The following SCAPER variants were observed in gnomAD, a reference collection of about 807,000 sequenced individuals.
SCAPER encodes the protein S phase cyclin A-associated protein in the endoplasmic reticulum.
In SCAPER, 98 loss-of-function variants were observed where a neutral mutation model predicts 182.2. The ratio of observed to expected loss-of-function variants is 0.54; its 90% CI spans 0.46 to 0.64. SCAPER has a LOEUF of 0.64. Ranked by LOEUF, SCAPER falls within the 30% of genes least tolerant of loss-of-function variation. The probability of loss-of-function intolerance (pLI) is 0.00; values close to 1 mark genes in which losing one functional copy is unlikely to be tolerated. For synonymous variants in SCAPER, 605 were observed against 564.6 expected (o/e 1.07, Z -1.01); for missense variants, 1,432 against 1,690.0 (o/e 0.85, Z 2.68).
chr15:76,448,741 C>G (rs1414473278), intron 25 of SCAPER, among the ~76,000 whole-genome samples: 1 of 152,090 alleles, frequency 6.6e-6, no homozygotes, highest in African/African-American at 2.4e-5. Context: ...GGGAGACTTT[C>G]AACTTAGAAT....
chr15:76,442,466 T>C (rs149811753), intron 25 of SCAPER, among the ~76,000 whole-genome samples: 1 of 152,386 alleles, frequency 6.6e-6, no homozygotes, highest in East Asian at 1.9e-4. Flanking sequence ...TTGGGAGCAC[T>C]GTCCTGGGAG....
intron 25 of SCAPER, among the ~76,000 whole-genome samples, chr15:76,440,844 G>A (rs1444974802): frequency 6.7e-6 from 1 of 148,424 alleles, no homozygotes; most frequent in Non-Finnish European, 1.5e-5. Flanking sequence ...AAATATAAAA[G>A]GAAATCACAT....
At chr15:76,407,918 C>T (rs2044979460) in intron 26 of SCAPER, among the ~76,000 whole-genome samples, 1 of 152,008 alleles carries the variant, frequency 6.6e-6, no homozygotes, top group Admixed American at 6.6e-5. Flanking sequence ...TAAGCAAATC[C>T]AAGGCATATT....
At position 76,680,987 on chromosome 15, in the gene SCAPER, C is replaced by T. The variant is rs1320002161; in HGVS notation, c.2509-15198G>A. ...AATTAAAATCAGAGATTTCAATATC[C>T]TCTCTCAAAAACTGGTGAGACAAGA... is the stretch of plus-strand genomic sequence containing the variant. On this transcript the variant is annotated intron_variant, in intron 20 of 31. Coordinates refer to ENST00000563290, the MANE Select transcript of SCAPER (RefSeq NM_020843.4). 6.6e-5 allele frequency among the ~76,000 whole-genome samples: 10 copies of T among 152,238 alleles called. No homozygotes were observed. The East Asian group carries it at 1.9e-3, about 29-fold the overall frequency.
chr15:76,711,105 AAC>A (rs767751358), intron 17 of SCAPER, among the ~76,000 whole-genome samples: 30 of 152,206 alleles, frequency 2.0e-4, no homozygotes, highest in Non-Finnish European at 1.5e-5. Flanking sequence ...TCTTGAAGTA[AAC>A]ACAGAAGAAA....
chr15:76,717,142 GAAA>G lies in SCAPER; in HGVS notation c.2166-11161_2166-11159del, dbSNP rs34439573. 1.7e-3 allele frequency among the ~76,000 whole-genome samples: 219 copies of G among 126,268 alleles called. 1 individual carries two copies. The highest frequency in any genetic ancestry group is 0.011 in the East Asian group (47 of 4,370). 82.8% of individuals were successfully genotyped at this position (126,268 alleles called of 152,430 possible). On this transcript the variant is annotated intron_variant, in intron 17 of 31. Transcript: ENST00000563290. ...ATGACATATTCAAAATGATGAAAGG[GAAA>G]AAAAAAAAAAAAAAACCTGCCGGCT...
At chr15:76,413,017 T>C (rs951116644) in intron 26 of SCAPER, among the ~76,000 whole-genome samples, 1 of 152,182 alleles carries the variant, frequency 6.6e-6, no homozygotes, top group Non-Finnish European at 1.5e-5. Flanking sequence ...TAAATCTTGA[T>C]TTCTATTTGT....
intron 26 of SCAPER, among the ~76,000 whole-genome samples, chr15:76,424,278 C>G (rs925855209): frequency 2.0e-5 from 3 of 152,118 alleles, no homozygotes; most frequent in Non-Finnish European, 4.4e-5. Context: ...TCTCTAAGGA[C>G]TTGCTTTATG....
chr15:76,378,513 T>C (rs1377528606), intron 28 of SCAPER, among the ~76,000 whole-genome samples: 1 of 152,246 alleles, frequency 6.6e-6, no homozygotes, highest in Non-Finnish European at 1.5e-5. Flanking sequence ...TCCGTTGCTA[T>C]ACAGTACAAA....
intron 23 of SCAPER, among the ~76,000 whole-genome samples, chr15:76,546,493 CTTTA>C (rs1329222264): frequency 2.0e-5 from 3 of 152,054 alleles, no homozygotes; most frequent in Non-Finnish European, 4.4e-5. Flanking sequence ...TCTGACCATG[CTTTA>C]TTGTTTTTTA....
At position 76,581,669 on chromosome 15, in the gene SCAPER, C is replaced by T. The variant is rs1049724698; in HGVS notation, c.2712-7385G>A. On this transcript the variant is annotated intron_variant, in intron 22 of 31. Transcript: ENST00000563290. ...TGGTGTGATCTCAGCTCACTGCAAC[C>T]TCTGCCTCCCAAGTTCAAGCCATTC... is the stretch of plus-strand genomic sequence containing the variant. Among the ~76,000 whole-genome samples the T allele has an allele frequency of 2.6e-5, 4 of 152,168 alleles. 1 individual carries two copies. The South Asian group carries it at 8.3e-4, about 32-fold the overall frequency.
intron 23 of SCAPER, among the ~76,000 whole-genome samples, chr15:76,511,843 A>ATATATATGTGTG (rs151255382): frequency 9.5e-4 from 117 of 123,288 alleles, no homozygotes; most frequent in African/African-American, 3.0e-3. Flanking sequence ...ATATATATAT[A>ATATATATGTGTG]TGTGTGTGTG....
chr15:76,676,215 C>A (rs1008637635), intron 20 of SCAPER, among the ~76,000 whole-genome samples: 2 of 152,076 alleles, frequency 1.3e-5, no homozygotes, highest in African/African-American at 4.8e-5. Flanking sequence ...TAGAATGCAA[C>A]CTTTGGGCCC....
intron 27 of SCAPER, among the ~76,000 whole-genome samples, chr15:76,403,696 A>G (rs2044624824): frequency 6.6e-6 from 1 of 152,324 alleles, no homozygotes; most frequent in Non-Finnish European, 1.5e-5. Flanking sequence ...TAGGTAATAC[A>G]TATGTGCTGT....
Position 76,400,205 on chromosome 15 carries a change from C to T in SCAPER, c.3467+4319G>A, listed in dbSNP as rs115232599. 1.4e-3 allele frequency among the ~76,000 whole-genome samples: 210 copies of T among 152,308 alleles called. 1 individual carries two copies. Among genetic ancestry groups the T allele is most frequent in the African/African-American group, 4.9e-3 (202 of 41,566 alleles). On this transcript the variant is annotated intron_variant, in intron 27 of 31. Transcript: ENST00000563290. ...CCTTAATTATCTCAGGCTCTGCCATCACAAGAGGCAATTTTTGAAGCCCTC... is the reference window on the plus strand; with the variant it reads ...CCTTAATTATCTCAGGCTCTGCCATTACAAGAGGCAATTTTTGAAGCCCTC...
At chr15:76,780,453 T>C (rs1294746215) in intron 8 of SCAPER, among the ~76,000 whole-genome samples, 1 of 152,220 alleles carries the variant, frequency 6.6e-6, no homozygotes, top group East Asian at 1.9e-4. Context: ...GGCCAGAGCA[T>C]AGCTGAACAA....
intron 3 of SCAPER, 114 bp downstream of exon 3, chr15:76,862,302 C>A: frequency 1.8e-6 from 1 of 555,872 alleles, no homozygotes; most frequent in South Asian, 2.8e-5. Flanking sequence ...TCTTATTTAA[C>A]ATACTAATCA....
rs775769820 is a variant in SCAPER, at chr15:76,765,465, A to G, written c.1496-11T>C. On this transcript the variant is annotated splice_polypyrimidine_tract_variant and intron_variant, in intron 12 of 31. Coordinates refer to ENST00000563290, the MANE Select transcript of SCAPER (RefSeq NM_020843.4). Reference sequence around the variant, plus strand: ...GCCAAGACTCACGAGCTGTTCAGAAAAAAATACTATTATTGTTTAGCCACA... The same window carrying G: ...GCCAAGACTCACGAGCTGTTCAGAAGAAAATACTATTATTGTTTAGCCACA... 1.2e-6 allele frequency: 2 copies of G among 1,612,832 alleles called. No individual in the cohort carries two copies. The highest frequency in any genetic ancestry group is 1.7e-6 in the Non-Finnish European group (2 of 1,179,116).
At chr15:76,737,923 T>C (rs1191805831) in intron 15 of SCAPER, among the ~76,000 whole-genome samples, 2 of 152,206 alleles carry the variant, frequency 1.3e-5, no homozygotes, top group Non-Finnish European at 2.9e-5. Flanking sequence ...GGGATCTTAC[T>C]CTGGATTAGG....
Sources: gnomAD v4.1 joint callset for allele counts (sites outside exome capture counted in the v4.1 genomes callset) on GRCh38, gnomAD v4.1.1 for gene constraint, MANE v1.5 for transcripts, NCBI Gene and HGNC (gene_info 2026-07-23, HGNC 2026-07-21) for gene names.